RBL2: variants seen among roughly 807,000 people sequenced by gnomAD.
RBL2 encodes retinoblastoma-like protein 2.
RBL2 carries 56 observed loss-of-function variants against 126.0 expected under a neutral mutation model. The observed-to-expected ratio is 0.44, with a 90% confidence interval of 0.36 to 0.56. The LOEUF (loss-of-function observed/expected upper bound fraction) is 0.56, where lower values mean the gene tolerates loss of function less well. RBL2 is among the 20% of genes least tolerant of loss of function. The probability of loss-of-function intolerance (pLI) is 0.00; values close to 1 mark genes in which losing one functional copy is unlikely to be tolerated. For synonymous variants in RBL2, 454 were observed against 478.5 expected, an observed-to-expected ratio of 0.95 and a Z score of 0.67; for missense variants, 1,229 against 1,398.2, an observed-to-expected ratio of 0.88 and a Z score of 1.93.
At chr16:53,448,381 A>G (rs2058083924) in intron 4 of RBL2, among the ~76,000 whole-genome samples, 1 of 151,510 alleles carries the variant, frequency 6.6e-6, no homozygotes, top group African/African-American at 2.4e-5. Flanking sequence ...CTGGCCTTGA[A>G]CTCCTGACCT....
rs1263233694 is a variant in RBL2 at position 53,490,263 on chromosome 16, G to A, written c.3383G>A (p.Arg1128His). The A allele has an allele frequency of 1.2e-6, 2 of 1,611,850 alleles. No homozygotes were observed. Among genetic ancestry groups the A allele is most frequent in the Non-Finnish European group, 1.7e-6 (2 of 1,178,868 alleles). Residue 1128 changes from arginine to histidine, a missense_variant, in exon 22 of 22, where the codon CGT becomes CAT. Physicochemically the swap from Arg to His is conservative, Grantham distance 29 (BLOSUM62 0). This residue lies in a region of RBL2 where 1,070 missense variants were observed against 1,274.3 expected (regional missense o/e 0.84). Coordinates refer to ENST00000262133, the MANE Select transcript of RBL2 (RefSeq NM_005611.4). The part of the protein sequence containing the change: ...CPENHSALLR[R>H]LQDVANDRGS... ...GAAAATCATTCTGCCTTATTACGCC[G>A]TCTCCAAGATGTAGCTAATGACCGT...
intron 1 of RBL2, among the ~76,000 whole-genome samples, chr16:53,438,046 T>A (rs900182702): frequency 3.2e-4 from 48 of 152,006 alleles, no homozygotes; most frequent in African/African-American, 1.1e-3. Flanking sequence ...AAAAAATAAA[T>A]AAAAATAAAC....
At chr16:53,472,051 T>G (rs776232695) in intron 17 of RBL2, among the ~76,000 whole-genome samples, 9 of 152,330 alleles carry the variant, frequency 5.9e-5, no homozygotes, top group Non-Finnish European at 1.2e-4. Flanking sequence ...TTACTTAGGA[T>G]AATATTTTCC....
intron 14 of RBL2, among the ~76,000 whole-genome samples, chr16:53,468,677 T>C (rs907035018): frequency 6.6e-6 from 1 of 152,224 alleles, no homozygotes; most frequent in Non-Finnish European, 1.5e-5. Flanking sequence ...TTATTTACTT[T>C]TGTATCATCT....
chr16:53,484,712 T>C (rs1471651842), intron 21 of RBL2, among the ~76,000 whole-genome samples: 1 of 152,098 alleles, frequency 6.6e-6, no homozygotes, highest in Non-Finnish European at 1.5e-5. Flanking sequence ...GAACAAGAAG[T>C]TTCTGGGGTG....
chr16:53,442,012 G>C (rs185012993), intron 2 of RBL2, among the ~76,000 whole-genome samples: 133 of 152,088 alleles, frequency 8.7e-4, no homozygotes, highest in African/African-American at 3.1e-3. Context: ...AGTAGAGATC[G>C]GGTTTTACCA....
chr16:53,489,905 A>G (rs1961342934), intron 21 of RBL2: 3 of 351,466 alleles, frequency 8.5e-6, no homozygotes, highest in Middle Eastern at 7.4e-4. Context: ...TGCCTGTGGA[A>G]GAGCTTGTTA....
intron 8 of RBL2, among the ~76,000 whole-genome samples, chr16:53,456,716 C>T (rs557205259): frequency 6.6e-6 from 1 of 152,316 alleles, no homozygotes; most frequent in East Asian, 1.9e-4. Flanking sequence ...CAACACAAAG[C>T]CTTTGCCTTT....
rs767330034 is a variant in RBL2 at position 53,490,127 on chromosome 16, T to C, written c.3250-3T>C. 3.8e-6 allele frequency: 6 copies of C among 1,565,996 alleles called. No homozygotes were observed. Among genetic ancestry groups the C allele is most frequent in the South Asian group, 2.4e-5 (2 of 83,892 alleles). On this transcript the variant is annotated splice_region_variant and splice_polypyrimidine_tract_variant and intron_variant, in intron 21 of 21. Coordinates refer to ENST00000262133, the MANE Select transcript of RBL2 (RefSeq NM_005611.4). ...AAATTTTTGTATCTTTTTCCCACCA[T>C]AGAGACTGAGAGAAATTAATAGTAT...
intron 8 of RBL2, among the ~76,000 whole-genome samples, chr16:53,457,742 C>A (rs749435556): frequency 5.9e-5 from 9 of 152,152 alleles, no homozygotes; most frequent in African/African-American, 1.2e-4. Flanking sequence ...GTTAAAGATT[C>A]CTCTTGATCA....
At chr16:53,489,082 A>G (rs771822149) in intron 21 of RBL2, 1 of 152,090 alleles carries the variant, frequency 6.6e-6, no homozygotes, top group South Asian at 2.1e-4. Context: ...AAAATGAAAA[A>G]CACTTGTGAA....
chr16:53,485,914 T>C (rs1033449806), intron 21 of RBL2, among the ~76,000 whole-genome samples: 3 of 152,002 alleles, frequency 2.0e-5, no homozygotes, highest in African/African-American at 7.2e-5. Context: ...ATTTTAAAAA[T>C]TGATTCCTCT....
chr16:53,435,067 A>G (rs1195954669), intron 1 of RBL2, among the ~76,000 whole-genome samples: 1 of 152,170 alleles, frequency 6.6e-6, no homozygotes, highest in Non-Finnish European at 1.5e-5. Context: ...CCCGTTGAGG[A>G]AAATGGGTGT....
intron 3 of RBL2, among the ~76,000 whole-genome samples, chr16:53,445,003 A>G (rs2058048808): frequency 6.6e-6 from 1 of 152,124 alleles, no homozygotes; most frequent in Admixed American, 6.5e-5. Flanking sequence ...GCTATTTCTT[A>G]GGATATATAT....
chr16:53,470,030 G>A lies in RBL2; in HGVS notation c.2090G>A (p.Arg697His), dbSNP rs750282166. The part of the protein sequence containing the change: ...DSPSDGGTPG[R>H]MPPQPLVNAV... The stretch of plus-strand genomic sequence containing the variant: ...CCCTCTGATGGAGGGACGCCTGGGC[G>A]CATGCCCCCACAGCCCCTAGTCAAT... Residue 697 changes from arginine to histidine, a missense_variant, in exon 15 of 22, where the codon CGC (arginine) becomes CAC (histidine). This residue lies in a region of RBL2 where 1,070 missense variants were observed against 1,274.3 expected (regional missense o/e 0.84). Transcript: ENST00000262133. 8.1e-6 allele frequency: 13 copies of A among 1,614,234 alleles called. No homozygotes were observed. Among genetic ancestry groups the A allele is most frequent in the Admixed American group, 3.3e-5 (2 of 60,028 alleles).
chr16:53,438,280 CCATGTGGTCT>C (rs2057978795), intron 1 of RBL2, among the ~76,000 whole-genome samples: 1 of 152,054 alleles, frequency 6.6e-6, no homozygotes, highest in African/African-American at 2.4e-5. Flanking sequence ...TATGTTTGTT[CCATGTGGTCT>C]CACCAGCATG....
rs762465095 is a variant in RBL2, at chr16:53,490,222, A to G, written c.3342A>G (p.Ala1114=). The G allele has an allele frequency of 5.0e-6, 8 of 1,612,896 alleles. No homozygotes were observed. Among genetic ancestry groups the G allele is most frequent in the Middle Eastern group, 1.6e-4 (1 of 6,062 alleles). The part of the protein sequence containing the change: ...ILLEDGSESP[A]KRICPENHSA... ...TGGAAGATGGAAGTGAATCACCTGCAAAAAGAATTTGCCCAGAAAATCATT... is the reference window on the plus strand; with the variant it reads ...TGGAAGATGGAAGTGAATCACCTGCGAAAAGAATTTGCCCAGAAAATCATT... Residue 1114 remains alanine, a synonymous_variant, in exon 22 of 22, where the codon GCA becomes GCG. Transcript: ENST00000262133.
chr16:53,465,201 TG>T (rs2058261109), intron 12 of RBL2, among the ~76,000 whole-genome samples: 1 of 152,198 alleles, frequency 6.6e-6, no homozygotes, highest in African/African-American at 2.4e-5. Context: ...TTAAGAGTAA[TG>T]TTTTTCAACC....
chr16:53,453,941 C>T (rs2058140925), intron 7 of RBL2, among the ~76,000 whole-genome samples, 172 bp downstream of exon 7: 2 of 152,122 alleles, frequency 1.3e-5, no homozygotes. Flanking sequence ...TAAATGTGTT[C>T]AAAATTGTAT....
Sources: allele counts gnomAD v4.1 joint callset (sites outside exome capture counted in the v4.1 genomes callset), GRCh38; gene constraint gnomAD v4.1.1; regional missense constraint gnomAD v4.1.1; transcripts MANE v1.5; gene names NCBI Gene and HGNC (gene_info 2026-07-23, HGNC 2026-07-21).